The following RGS6 variants were observed in gnomAD, a reference collection of about 807,000 sequenced individuals.
RGS6 encodes regulator of G protein signaling 6.
In RGS6, 30 loss-of-function variants were observed where a neutral mutation model predicts 78.5. The ratio of observed to expected loss-of-function variants is 0.38; its 90% CI spans 0.29 to 0.52. The LOEUF (loss-of-function observed/expected upper bound fraction) is 0.52, where lower values mean the gene tolerates loss of function less well. Among genes scored for constraint, RGS6 ranks in the 20% least tolerant of loss-of-function variants. The probability of loss-of-function intolerance (pLI) is 0.85; values close to 1 mark genes in which losing one functional copy is unlikely to be tolerated. For missense variants in RGS6, 495 were observed against 609.7 expected (o/e 0.81, Z 1.98); for synonymous variants, 206 against 206.0 (o/e 1.00, Z 0.00).
chr14:72,524,136 T>C (rs1418883763), intron 15 of RGS6, among the ~76,000 whole-genome samples: 1 of 152,206 alleles, frequency 6.6e-6, no homozygotes, highest in Non-Finnish European at 1.5e-5. Context: ...CTCTGGGGTT[T>C]CGTAATTCTA....
chr14:72,286,153 T>C (rs1271173130), intron 2 of RGS6, among the ~76,000 whole-genome samples: 1 of 152,242 alleles, frequency 6.6e-6, no homozygotes, highest in Non-Finnish European at 1.5e-5. Context: ...AGGTCTTACA[T>C]TTAAGTCTTT....
intron 2 of RGS6, among the ~76,000 whole-genome samples, chr14:72,123,666 T>C (rs558238329): frequency 3.4e-4 from 52 of 152,316 alleles, no homozygotes; most frequent in African/African-American, 1.3e-3. Context: ...GAAAAATTAA[T>C]AAGAGAGTTC....
the RGS6 span, among the ~76,000 whole-genome samples, chr14:72,596,648 A>G: frequency 5.9e-5 from 9 of 152,176 alleles, no homozygotes; most frequent in Non-Finnish European, 1.0e-4. Flanking sequence ...AAGATACTTA[A>G]TCCCTAATTC....
intron 3 of RGS6, among the ~76,000 whole-genome samples, chr14:72,400,175 T>G (rs181031675): frequency 6.6e-5 from 10 of 152,338 alleles, no homozygotes; most frequent in African/African-American, 2.2e-4. Context: ...CCCATCAGAC[T>G]AACAGCTGAT....
intron 17 of RGS6, among the ~76,000 whole-genome samples, chr14:72,546,228 C>T (rs1199297584): frequency 6.6e-6 from 1 of 152,178 alleles, no homozygotes; most frequent in African/African-American, 2.4e-5. Context: ...CTCTATGCTT[C>T]GCTTCTTATC....
At chr14:72,182,344 G>A (rs752799049) in intron 2 of RGS6, among the ~76,000 whole-genome samples, 20 of 150,630 alleles carry the variant, frequency 1.3e-4, no homozygotes, top group African/African-American at 4.9e-5. Flanking sequence ...GGAGGCTGAG[G>A]CAGGAGAATC....
intron 2 of RGS6, among the ~76,000 whole-genome samples, chr14:72,322,237 A>G (rs2072285023): frequency 2.0e-5 from 3 of 152,072 alleles, no homozygotes; most frequent in African/African-American, 7.2e-5. Flanking sequence ...ATAGGAAAAA[A>G]GAATAAATCT....
At chr14:72,223,675 C>T (rs1328514402) in intron 2 of RGS6, among the ~76,000 whole-genome samples, 1 of 152,184 alleles carries the variant, frequency 6.6e-6, no homozygotes, top group African/African-American at 2.4e-5. Flanking sequence ...GAGTCTTATT[C>T]CAGAGTCAGG....
At chr14:72,346,345 G>A (rs576948183) in intron 2 of RGS6, among the ~76,000 whole-genome samples, 86 of 152,284 alleles carry the variant, frequency 5.6e-4, no homozygotes, top group African/African-American at 1.6e-3. Context: ...GAGTGTCACG[G>A]GTCAAAGCAG....
chr14:72,037,107 A>C (rs1222260647), intron 2 of RGS6, among the ~76,000 whole-genome samples: 1 of 152,158 alleles, frequency 6.6e-6, no homozygotes, highest in Non-Finnish European at 1.5e-5. Flanking sequence ...ACTAATCAGC[A>C]CTCTGTAAAA....
At chr14:72,021,935 C>T (rs907911121) in intron 2 of RGS6, among the ~76,000 whole-genome samples, 1 of 149,208 alleles carries the variant, frequency 6.7e-6, no homozygotes, top group African/African-American at 2.5e-5. Flanking sequence ...TCTGCCACCC[C>T]CACCCTCAAG....
Position 72,086,893 on chromosome 14 carries a change from C to T in RGS6, c.84+122018C>T, listed in dbSNP as rs145047256. Among the ~76,000 whole-genome samples, 535 of 152,266 alleles carry T rather than the reference C, an allele frequency of 3.5e-3. 2 individuals are homozygous for T. Among genetic ancestry groups the T allele is most frequent in the Non-Finnish European group, 6.1e-3 (415 of 68,022 alleles). ...GTTTTCCTCTTGATTCAGTTTCTAA[C>T]CAGTCAGCTAAATGGTCTCTGAATA... On this transcript the variant is annotated intron_variant, in intron 2 of 17. Transcript: ENST00000553525.
chr14:72,619,354 G>A, the RGS6 span: 1 of 1,536,130 alleles, frequency 6.5e-7, no homozygotes, highest in Non-Finnish European at 8.7e-7. Context: ...AGCATAAGTG[G>A]CAGCTCCAGC....
intron 2 of RGS6, among the ~76,000 whole-genome samples, chr14:72,176,015 TG>T (rs2097100728): frequency 6.6e-6 from 1 of 152,144 alleles, no homozygotes; most frequent in African/African-American, 2.4e-5. Flanking sequence ...CAGAGCTTAT[TG>T]GAAGGACATG....
At chr14:72,427,275 GT>G (rs1250703906) in intron 3 of RGS6, among the ~76,000 whole-genome samples, 1 of 152,104 alleles carries the variant, frequency 6.6e-6, no homozygotes, top group Non-Finnish European at 1.5e-5. Context: ...CTTATTAGTT[GT>G]TGTTAATCTC....
chr14:72,151,718 G>A (rs1291042175), intron 2 of RGS6, among the ~76,000 whole-genome samples: 1 of 152,162 alleles, frequency 6.6e-6, no homozygotes, highest in Non-Finnish European at 1.5e-5. Context: ...ATTGTAGAAA[G>A]TGTCTTGATT....
In RGS6 at chr14:72,147,992, A is replaced by G. The variant is rs143214205; in HGVS notation, c.84+183117A>G. On this transcript the variant is annotated intron_variant, in intron 2 of 17. Transcript: ENST00000553525. The stretch of plus-strand genomic sequence containing the variant: ...TAAAAATACAAAAAATTAGCTGGGC[A>G]TGGTGGCAGGCGTCTGTAGTCCCAG... Among the ~76,000 whole-genome samples, 244 of 152,130 alleles carry G rather than the reference A, an allele frequency of 1.6e-3. 5 individuals carry two copies. In the South Asian group the frequency reaches 0.022, roughly 14 times the overall value.
intron 3 of RGS6, among the ~76,000 whole-genome samples, chr14:72,377,977 C>CT (rs1416924138): frequency 6.6e-6 from 1 of 152,058 alleles, no homozygotes; most frequent in Non-Finnish European, 1.5e-5. Flanking sequence ...GAGTGAGACT[C>CT]TATCTCCAAA....
chr14:71,929,016 C>T (rs895692268), upstream of RGS6, among the ~76,000 whole-genome samples: 3 of 152,128 alleles, frequency 2.0e-5, no homozygotes, highest in Non-Finnish European at 4.4e-5. Context: ...TAATAAATTA[C>T]AAAAGCTATA....
Sources: gnomAD v4.1 joint callset for allele counts (sites outside exome capture counted in the v4.1 genomes callset) on GRCh38, gnomAD v4.1.1 for gene constraint, MANE v1.5 for transcripts, NCBI Gene and HGNC (gene_info 2026-07-23, HGNC 2026-07-21) for gene names.